Variants in CACNA1E observed in about 807,000 individuals in gnomAD.
CACNA1E encodes the protein voltage-dependent R-type calcium channel subunit alpha-1E.
CACNA1E carries 40 observed loss-of-function variants against 259.2 expected under a neutral mutation model. The ratio of observed to expected loss-of-function variants is 0.15; its 90% CI spans 0.12 to 0.20. CACNA1E has a LOEUF of 0.20. Among genes scored for constraint, CACNA1E ranks in the 10% least tolerant of loss-of-function variants. The pLI is 1.00. For synonymous variants in CACNA1E, 1,104 were observed against 1,138.5 expected, an observed-to-expected ratio of 0.97 and a Z score of 0.61; for missense variants, 1,874 against 3,040.1, an observed-to-expected ratio of 0.62 and a Z score of 9.02.
rs55887632 is a variant in CACNA1E, at chr1:181,783,647, T to TG, written c.5365-31dup. 0.15 allele frequency: 177,253 copies of TG among 1,180,574 alleles called. 7,549 individuals carry two copies. Among genetic ancestry groups the TG allele is most frequent in the African/African-American group, 0.2 (13,068 of 64,360 alleles). The allele number at this position is 1,180,574 out of a possible 1,614,324, so 73.1% of individuals were successfully genotyped here. ...GATGTCTTTCAATTTTTTTTTTTTT[T>TG]GCCTGCTGTTTCTTTTTTCTCTTTC... On this transcript the variant is annotated intron_variant, in intron 39 of 47. Transcript: ENST00000367573.
chr1:181,667,918 A>G (rs1277981855), intron 7 of CACNA1E, among the ~76,000 whole-genome samples: 1 of 152,004 alleles, frequency 6.6e-6, no homozygotes, highest in Non-Finnish European at 1.5e-5. Flanking sequence ...GGGAGGTCCT[A>G]TGTATTCTTC....
intron 26 of CACNA1E, chr1:181,751,863 C>T (rs1246269422): frequency 5.2e-6 from 3 of 572,418 alleles, no homozygotes; most frequent in East Asian, 7.6e-5. Flanking sequence ...ATGGATGCCT[C>T]TGTGTGCCTG....
At chr1:181,351,205 T>G (rs896391668) in intron 1 of CACNA1E, among the ~76,000 whole-genome samples, 18 of 152,094 alleles carry the variant, frequency 1.2e-4, no homozygotes, top group Admixed American at 9.2e-4. Flanking sequence ...AGCTCCTTAC[T>G]CCTGAGCCGT....
At chr1:181,452,862 T>C (rs1661248875) in intron 2 of CACNA1E, among the ~76,000 whole-genome samples, 1 of 152,226 alleles carries the variant, frequency 6.6e-6, no homozygotes. Flanking sequence ...ACAATCTGTT[T>C]CGTTTCTGCC....
chr1:181,660,096 C>G (rs1647490336), intron 7 of CACNA1E, among the ~76,000 whole-genome samples: 2 of 152,174 alleles, frequency 1.3e-5, no homozygotes, highest in African/African-American at 4.8e-5. Flanking sequence ...CAGAAGATGC[C>G]AAGACCCACT....
intron 44 of CACNA1E, 32 bp downstream of exon 44, chr1:181,790,588 A>C (rs780618926): frequency 7.8e-7 from 1 of 1,277,030 alleles, no homozygotes; most frequent in Non-Finnish European, 1.1e-6. Flanking sequence ...CCTCAAAACT[A>C]CTTCCTTGGT....
chr1:181,330,357 A>G (rs1477302974), intron 1 of CACNA1E, among the ~76,000 whole-genome samples: 2 of 151,028 alleles, frequency 1.3e-5, no homozygotes, highest in African/African-American at 4.9e-5. Flanking sequence ...GCCTGCCTCC[A>G]GTTTCTTATG....
chr1:181,729,107 C>T lies in CACNA1E; in HGVS notation c.2241-2068C>T, dbSNP rs535526090. On this transcript the variant is annotated intron_variant, in intron 18 of 47. Transcript: ENST00000367573. Reference sequence around the variant, plus strand: ...TGCTCAGGTGTGTGTGCATTTTGCTCGGGTGTGTGTGCCCTGCTCAGCTGT... The same window carrying T: ...TGCTCAGGTGTGTGTGCATTTTGCTTGGGTGTGTGTGCCCTGCTCAGCTGT... 4.6e-5 allele frequency among the ~76,000 whole-genome samples: 5 copies of T among 109,116 alleles called. No individual in the cohort carries two copies. The East Asian group carries it at 1.4e-3, about 31-fold the overall frequency. The allele number at this position is 109,116 out of a possible 152,430, so 71.6% of individuals were successfully genotyped here. A position where few individuals can be genotyped will look rare whatever the true frequency, so the allele number is the denominator to read the frequency against.
intron 6 of CACNA1E, among the ~76,000 whole-genome samples, chr1:181,630,069 T>C (rs1656569781): frequency 6.6e-6 from 1 of 150,814 alleles, no homozygotes; most frequent in Non-Finnish European, 1.5e-5. Context: ...TGAAGATAGG[T>C]GGGAAGAAAA....
At chr1:181,425,208 C>T (rs1659075580) in intron 2 of CACNA1E, among the ~76,000 whole-genome samples, 1 of 152,120 alleles carries the variant, frequency 6.6e-6, no homozygotes, top group Non-Finnish European at 1.5e-5. Flanking sequence ...GCCTGGTGGT[C>T]AGCACTCACA....
At chr1:181,439,902 G>A (rs925210674) in intron 2 of CACNA1E, among the ~76,000 whole-genome samples, 4 of 152,150 alleles carry the variant, frequency 2.6e-5, no homozygotes, top group African/African-American at 9.7e-5. Context: ...CCTACTAAGT[G>A]CCAGGGGACA....
At chr1:181,684,028 T>A (rs1397128466) in intron 7 of CACNA1E, among the ~76,000 whole-genome samples, 2 of 152,186 alleles carry the variant, frequency 1.3e-5, no homozygotes, top group Non-Finnish European at 2.9e-5. Flanking sequence ...CAAATGGTAG[T>A]TCTGTTTTAA....
At chr1:181,458,739 A>G (rs1258815579) in intron 2 of CACNA1E, among the ~76,000 whole-genome samples, 1 of 152,034 alleles carries the variant, frequency 6.6e-6, no homozygotes, top group Non-Finnish European at 1.5e-5. Context: ...ACACTGCATT[A>G]TTGTTTGCCT....
rs545244440 is a variant in CACNA1E, at chr1:181,566,617, G to T, written c.513-11149G>T. ...TGGGGAACCTCTTCTTGAGGTTAAG[G>T]TGAGATGAAGGCTTCCTTTGGAGAC... On this transcript the variant is annotated intron_variant, in intron 3 of 47. Transcript: ENST00000367573. 2.1e-4 allele frequency among the ~76,000 whole-genome samples: 32 copies of T among 152,318 alleles called. 1 individual carries two copies. Among genetic ancestry groups the T allele is most frequent in the African/African-American group, 7.7e-4 (32 of 41,554 alleles).
In CACNA1E at chr1:181,371,078, G is replaced by T. The variant is rs142698583; in HGVS notation, c.-14-42055G>T. Among the ~76,000 whole-genome samples, 361 of 152,188 alleles carry T rather than the reference G, an allele frequency of 2.4e-3. 3 individuals are homozygous for T. The highest frequency in any genetic ancestry group is 8.4e-3 in the African/African-American group (349 of 41,502). On this transcript the variant is annotated intron_variant, in intron 1 of 11. Coordinates refer to the CACNA1E transcript ENST00000524607. ...TGGCTGCACGTATGTCTTCTTTTGA[G>T]CAGTGTCTGTTCATGTCCTTTGCCC...
At chr1:181,630,514 A>G (rs1323667164) in intron 6 of CACNA1E, among the ~76,000 whole-genome samples, 1 of 152,078 alleles carries the variant, frequency 6.6e-6, no homozygotes, top group Non-Finnish European at 1.5e-5. Context: ...CAGGAGGTCC[A>G]TCTCACCACC....
chr1:181,399,099 T>A (rs2102071989), intron 1 of CACNA1E, among the ~76,000 whole-genome samples: 2 of 152,336 alleles, frequency 1.3e-5, no homozygotes, highest in Middle Eastern at 6.8e-3. Flanking sequence ...CTTCCCAGTA[T>A]TGTGACCTTT....
intron 1 of CACNA1E, among the ~76,000 whole-genome samples, chr1:181,401,152 T>G (rs917921519): frequency 6.6e-6 from 1 of 152,210 alleles, no homozygotes; most frequent in Admixed American, 6.5e-5. Flanking sequence ...CTGTCTTCCC[T>G]ATATCAGAAT....
At chr1:181,325,444 G>A (rs1571565570) in intron 1 of CACNA1E, among the ~76,000 whole-genome samples, 2 of 152,036 alleles carry the variant, frequency 1.3e-5, no homozygotes, top group Admixed American at 6.5e-5. Context: ...TGTGGTTCCC[G>A]GACCAGCCAC....
Sources: allele counts gnomAD v4.1 joint callset (sites outside exome capture counted in the v4.1 genomes callset), GRCh38; gene constraint gnomAD v4.1.1; transcripts MANE v1.5; gene names NCBI Gene and HGNC (gene_info 2026-07-23, HGNC 2026-07-21).